The following DOCK2 variants were observed in gnomAD, a reference collection of about 807,000 sequenced individuals.
The protein encoded by DOCK2 is dedicator of cytokinesis 2, also known as dedicator of cytokinesis protein 2.
DOCK2 carries 87 observed loss-of-function variants against 248.9 expected under a neutral mutation model. That is an observed-to-expected ratio of 0.35 (90% confidence interval 0.29 to 0.42). The LOEUF (loss-of-function observed/expected upper bound fraction) is 0.42, where lower values mean the gene tolerates loss of function less well. Ranked by LOEUF, DOCK2 falls within the 10% of genes least tolerant of loss-of-function variation. The pLI is 1.00. For missense variants in DOCK2, 1,747 were observed against 2,300.2 expected (o/e 0.76, Z 4.92); for synonymous variants, 805 against 821.6 (o/e 0.98, Z 0.35).
At chr5:169,939,372 C>T (rs778755214) in intron 27 of DOCK2, among the ~76,000 whole-genome samples, 6 of 152,154 alleles carry the variant, frequency 3.9e-5, no homozygotes, top group Non-Finnish European at 7.4e-5. Flanking sequence ...GAATTTGTCA[C>T]CTCCTATAAC....
intron 6 of DOCK2, among the ~76,000 whole-genome samples, chr5:169,679,633 C>T (rs980876427): frequency 6.6e-6 from 1 of 152,188 alleles, no homozygotes; most frequent in Non-Finnish European, 1.5e-5. Flanking sequence ...ATCAGCGATG[C>T]TCCATCTTTT....
chr5:169,776,781 A>G (rs1180918704), intron 25 of DOCK2, among the ~76,000 whole-genome samples: 3 of 152,018 alleles, frequency 2.0e-5, no homozygotes, highest in Admixed American at 2.0e-4. Context: ...ACGCATTCTC[A>G]CTTCGTCCTG....
intron 25 of DOCK2, chr5:169,779,191 A>T (rs1032868360): frequency 2.6e-5 from 4 of 152,258 alleles, no homozygotes; most frequent in Non-Finnish European, 5.9e-5. Flanking sequence ...TTTACAGAGG[A>T]GGAAAAAAGG....
chr5:169,866,533 T>C lies in DOCK2; in HGVS notation c.2799+25681T>C, dbSNP rs111230996. ...CAGTCAGTCACTCGACAAACATTTA[T>C]TGAGCATCTTCTTTGTGGCAGGCCC... On this transcript the variant is annotated intron_variant, in intron 27 of 51. Coordinates refer to ENST00000520908, the MANE Select transcript of DOCK2 (RefSeq NM_004946.3). Among the ~76,000 whole-genome samples, 50 of 152,328 alleles carry C rather than the reference T, an allele frequency of 3.3e-4. 1 individual carries two copies. Among genetic ancestry groups the C allele is most frequent in the African/African-American group, 1.2e-3 (48 of 41,568 alleles).
chr5:169,800,756 G>A (rs921833591), intron 25 of DOCK2, among the ~76,000 whole-genome samples: 3 of 151,982 alleles, frequency 2.0e-5, no homozygotes, highest in Non-Finnish European at 2.9e-5. Context: ...AGAAGAAAGG[G>A]AATAATCCAT....
At chr5:170,026,139 G>GGT (rs1467305347) in intron 33 of DOCK2, among the ~76,000 whole-genome samples, 2 of 152,122 alleles carry the variant, frequency 1.3e-5, no homozygotes, top group African/African-American at 4.8e-5. Context: ...GCACAAAAGT[G>GGT]AGGGAACGAT....
At chr5:169,848,918 T>C (rs1353962955) in intron 27 of DOCK2, among the ~76,000 whole-genome samples, 1 of 152,184 alleles carries the variant, frequency 6.6e-6, no homozygotes, top group African/African-American at 2.4e-5. Context: ...TTCAAAGCTC[T>C]GACTTCACTT....
intron 1 of DOCK2, among the ~76,000 whole-genome samples, chr5:169,640,726 A>G (rs1226096439): frequency 2.6e-5 from 4 of 152,214 alleles, no homozygotes; most frequent in Admixed American, 2.0e-4. Context: ...CTTCATTGCC[A>G]TAAAACTTCC....
intron 26 of DOCK2, among the ~76,000 whole-genome samples, chr5:169,808,435 G>T (rs1287627229): frequency 7.1e-6 from 1 of 141,318 alleles, no homozygotes; most frequent in Non-Finnish European, 1.5e-5. Flanking sequence ...TAGGACTCAG[G>T]GGGAGATGTC....
intron 30 of DOCK2, among the ~76,000 whole-genome samples, chr5:169,999,042 G>T (rs555066855): frequency 6.6e-6 from 1 of 152,296 alleles, no homozygotes; most frequent in South Asian, 2.1e-4. Flanking sequence ...CTTTCCGTGG[G>T]TATCGGCTAT....
intron 27 of DOCK2, among the ~76,000 whole-genome samples, chr5:169,964,369 T>C (rs1003533552): frequency 6.6e-6 from 1 of 152,162 alleles, no homozygotes; most frequent in Non-Finnish European, 1.5e-5. Flanking sequence ...TGCCTTGGCC[T>C]GTCATTGGGA....
chr5:169,668,041 G>A (rs1220424578), intron 2 of DOCK2, among the ~76,000 whole-genome samples: 2 of 152,198 alleles, frequency 1.3e-5, no homozygotes, highest in South Asian at 4.1e-4. Context: ...AAGCATAGGT[G>A]ATAGTTGCTT....
chr5:169,779,865 A>G (rs986994389), intron 25 of DOCK2, among the ~76,000 whole-genome samples: 1 of 152,144 alleles, frequency 6.6e-6, no homozygotes, highest in African/African-American at 2.4e-5. Context: ...CAGTCCCCTC[A>G]GGTTCCAGGT....
chr5:169,715,697 A>G (rs1761868758), intron 19 of DOCK2, among the ~76,000 whole-genome samples: 1 of 151,978 alleles, frequency 6.6e-6, no homozygotes, highest in South Asian at 2.1e-4. Flanking sequence ...GGATTTTTAC[A>G]CACGTAAACA....
chr5:169,895,485 T>TC (rs1221709203), intron 27 of DOCK2, among the ~76,000 whole-genome samples: 12 of 152,026 alleles, frequency 7.9e-5, no homozygotes, highest in African/African-American at 2.9e-4. Flanking sequence ...CTGAGTCTTC[T>TC]CCCCTGCCCC....
intron 27 of DOCK2, among the ~76,000 whole-genome samples, chr5:169,898,114 G>A (rs999053712): frequency 6.6e-6 from 1 of 152,200 alleles, no homozygotes; most frequent in Non-Finnish European, 1.5e-5. Context: ...CTTGTGTGTT[G>A]TTCTTCCTTT....
chr5:169,839,597 T>C (rs1490934382), intron 26 of DOCK2, among the ~76,000 whole-genome samples: 1 of 152,192 alleles, frequency 6.6e-6, no homozygotes, highest in Non-Finnish European at 1.5e-5. Flanking sequence ...CCTTGCCGAC[T>C]ACAACAAAAG....
chr5:169,895,611 G>C (rs1581375559), intron 27 of DOCK2, among the ~76,000 whole-genome samples: 1 of 151,968 alleles, frequency 6.6e-6, no homozygotes, highest in East Asian at 1.9e-4. Flanking sequence ...AGCCACTGGG[G>C]GTTCCACCTT....
intron 26 of DOCK2, among the ~76,000 whole-genome samples, chr5:169,811,783 G>A (rs1172651220): frequency 6.6e-6 from 1 of 152,128 alleles, no homozygotes; most frequent in Non-Finnish European, 1.5e-5. Flanking sequence ...GAGGCTAGGT[G>A]ACATTCCCAA....
Sources: gnomAD v4.1 joint callset for allele counts (sites outside exome capture counted in the v4.1 genomes callset) on GRCh38, gnomAD v4.1.1 for gene constraint, MANE v1.5 for transcripts, NCBI Gene and HGNC (gene_info 2026-07-23, HGNC 2026-07-21) for gene names.